The following SEPTIN3 variants were observed in gnomAD, a reference collection of about 807,000 sequenced individuals.
SEPTIN3 encodes the protein neuronal-specific septin-3.
In SEPTIN3, 15 loss-of-function variants were observed where a neutral mutation model predicts 45.1. That is an observed-to-expected ratio of 0.33 (90% CI 0.22 to 0.51). SEPTIN3 has a LOEUF of 0.51. Among genes scored for constraint, SEPTIN3 ranks in the 20% least tolerant of loss-of-function variants. The pLI is 0.97. For synonymous variants in SEPTIN3, 148 were observed against 164.8 expected (o/e 0.90, Z 0.78); for missense variants, 289 against 457.2 (o/e 0.63, Z 3.35).
Position 41,972,664 on chromosome 22 carries a change from C to T in SEPTIN3, c.1172C>T (p.Pro391Leu), listed in dbSNP as rs760879381. Residue 391 changes from proline to leucine, a missense_variant, in exon 2 of 12, where the codon CCG becomes CTG. Pro to Leu is a moderately conservative substitution (Grantham distance 98). Around this residue, in one of 3 missense-constraint regions of SEPTIN3, gnomAD observed 200 missense variants for 315.1 expected, o/e 0.63. Coordinates refer to ENST00000644076, the MANE Select transcript of SEPTIN3 (RefSeq NM_001363845.2). ...TCAGCAACATCAGACCCAGTCAAGC[C>T]GGACACAATCACAGCTACAGTGGGC... ...MDSATSDPVKPDTITATVGTS... is the reference protein window; with the variant it reads ...MDSATSDPVKLDTITATVGTS... 22 of 399,016 alleles carry T rather than the reference C, an allele frequency of 5.5e-5. 1 individual carries two copies. The highest frequency in any genetic ancestry group is 8.8e-5 in the Admixed American group (2 of 22,712). The allele number at this position is 399,016 out of a possible 1,614,324, so 24.7% of individuals were successfully genotyped here.
intron 3 of SEPTIN3, among the ~76,000 whole-genome samples, chr22:41,982,904 A>AG (rs912734536): frequency 1.3e-5 from 2 of 151,602 alleles, no homozygotes; most frequent in Admixed American, 1.3e-4. Context: ...AAAAAAAAGA[A>AG]GAAAAAAAAA....
intron 8 of SEPTIN3, among the ~76,000 whole-genome samples, chr22:41,992,382 A>G (rs1480176620): frequency 6.6e-6 from 1 of 152,200 alleles, no homozygotes; most frequent in Non-Finnish European, 1.5e-5. Flanking sequence ...CTGTCTCAAA[A>G]AAGAAAGTAC....
At chr22:41,986,919 T>A (rs2078218557) in intron 4 of SEPTIN3, among the ~76,000 whole-genome samples, 1 of 151,996 alleles carries the variant, frequency 6.6e-6, no homozygotes, top group African/African-American at 2.4e-5. Context: ...GAGGCTACAG[T>A]GAGCTGTGAT....
In SEPTIN3 at chr22:41,994,798, C is replaced by T; in HGVS notation, c.2505+84C>T. The T allele has an allele frequency of 6.2e-7, 1 of 1,612,008 alleles. No homozygotes were observed. Among genetic ancestry groups the T allele is most frequent in the South Asian group, 1.1e-5 (1 of 91,028 alleles). On this transcript the variant is annotated intron_variant, in intron 11 of 11. Coordinates refer to ENST00000644076, the MANE Select transcript of SEPTIN3 (RefSeq NM_001363845.2). This position sits in a 1 kb window ranked among gnomAD's most constrained non-coding sequence, Gnocchi z 4.2. ...TCATCACACATACCCACTTCACACA[C>T]ACACATCCCAAATACCACCACCAAC...
At chr22:41,979,450 G>A (rs1321561463) in intron 2 of SEPTIN3, among the ~76,000 whole-genome samples, 1 of 152,232 alleles carries the variant, frequency 6.6e-6, no homozygotes, top group Non-Finnish European at 1.5e-5. Flanking sequence ...CTCAGCTGCA[G>A]AGGCATAAGG....
Position 41,994,389 on chromosome 22 carries a change from G to C in SEPTIN3, c.2411+48G>C, listed in dbSNP as rs189078124. The C allele has an allele frequency of 7.0e-5, 111 of 1,595,928 alleles. No homozygotes were observed. The African/African-American group carries it at 1.1e-3, about 16-fold the overall frequency. ...GTCCAGACAGCAGGTTGAATTATTT[G>C]GGGTCAGGGTCTATCTGTTCAGATT... On this transcript the variant is annotated intron_variant, in intron 10 of 11. Coordinates refer to ENST00000644076, the MANE Select transcript of SEPTIN3 (RefSeq NM_001363845.2). The surrounding 1 kb of genome is among the most constrained non-coding windows in gnomAD (Gnocchi z 4.2).
At chr22:41,995,536 C>G (rs1789716098) in intron 11 of SEPTIN3, 1 of 985,412 alleles carries the variant, frequency 1.0e-6, no homozygotes, top group South Asian at 4.7e-5. Context: ...ATTGCTTTCT[C>G]TCCCTCTCCT....
chr22:41,994,227 T>A lies in SEPTIN3; in HGVS notation c.2360-63T>A. 3.9e-6 allele frequency: 6 copies of A among 1,526,434 alleles called. No individual in the cohort carries two copies. The highest frequency in any genetic ancestry group is 5.4e-6 in the Non-Finnish European group (6 of 1,105,884). The allele number at this position is 1,526,434 out of a possible 1,614,324, so 94.6% of individuals were successfully genotyped here. A position where few individuals can be genotyped will look rare whatever the true frequency, so the allele number is the denominator to read the frequency against. ...TCCGTGACCCAAACAGAAGCTCACCTCCTGGGTGTTGCTGTATTAATGAAC... is the reference window on the plus strand; with the variant it reads ...TCCGTGACCCAAACAGAAGCTCACCACCTGGGTGTTGCTGTATTAATGAAC... On this transcript the variant is annotated intron_variant, in intron 9 of 11. Coordinates refer to ENST00000644076, the MANE Select transcript of SEPTIN3 (RefSeq NM_001363845.2). The surrounding 1 kb of genome is among the most constrained non-coding windows in gnomAD (Gnocchi z 4.2).
At chr22:41,991,695 A>G in intron 8 of SEPTIN3, 27 bp downstream of exon 8, 1 of 1,435,754 alleles carries the variant, frequency 7.0e-7, no homozygotes, top group Admixed American at 1.7e-5. Flanking sequence ...CTGCTCCTCC[A>G]CTGATGCCCC....
Position 41,972,086 on chromosome 22 carries a change from G to A in SEPTIN3, c.594G>A (p.Arg198=). ...SSYLALPFQS[R]LAQSAPVLAE... is the part of the protein sequence containing the mutation. ...ACCTAGCCTTACCTTTCCAATCCCG[G>A]TTAGCCCAGAGTGCACCAGTCCTTG... The change falls in exon 2 of 12, where the codon CGG becomes CGA. Residue 198 remains arginine (R), a synonymous_variant. Coordinates refer to ENST00000644076, the MANE Select transcript of SEPTIN3 (RefSeq NM_001363845.2). 2.5e-6 allele frequency: 1 copy of A among 399,072 alleles called. No homozygotes were observed. 24.7% of individuals were successfully genotyped at this position (399,072 alleles called of 1,614,324 possible).
chr22:41,974,421 T>C (rs1012797048), intron 2 of SEPTIN3, among the ~76,000 whole-genome samples: 2 of 151,574 alleles, frequency 1.3e-5, no homozygotes, highest in African/African-American at 4.8e-5. Flanking sequence ...TCCCAGAACT[T>C]TGGGAGGCCG....
rs377624563 is a variant in SEPTIN3 at position 41,996,981 on chromosome 22, C to A, written c.*14C>A. 1 of 1,613,804 alleles carries A rather than the reference C, an allele frequency of 6.2e-7. No individual in the cohort carries two copies. On this transcript the variant is annotated 3_prime_UTR_variant, in exon 12 of 12. Coordinates refer to ENST00000644076, the MANE Select transcript of SEPTIN3 (RefSeq NM_001363845.2). ...ACTGCTGAATGAAGGCCATTTCAAG[C>A]GCTGCTTCTCACTCCATTCCTCTCA... is the stretch of plus-strand genomic sequence containing the variant.
intron 2 of SEPTIN3, among the ~76,000 whole-genome samples, chr22:41,981,070 G>A (rs1299554462): frequency 6.6e-6 from 1 of 152,182 alleles, no homozygotes; most frequent in Non-Finnish European, 1.5e-5. Flanking sequence ...ATAGATGTTA[G>A]TGCAGGATCC....
intron 2 of SEPTIN3, 177 bp from the exon 3 acceptor site, chr22:41,981,468 C>T: frequency 1.7e-6 from 1 of 572,626 alleles, no homozygotes; most frequent in Non-Finnish European, 3.1e-6. Context: ...AGTTCTTTCT[C>T]CTCCAGGCCT....
chr22:41,987,136 A>T, intron 4 of SEPTIN3, 70 bp from the exon 5 acceptor site: 1 of 1,244,068 alleles, frequency 8.0e-7, no homozygotes, highest in Admixed American at 2.2e-5. Flanking sequence ...CTCCCTGGCT[A>T]GTAGGCTGCC....
intron 2 of SEPTIN3, among the ~76,000 whole-genome samples, chr22:41,974,215 TC>T (rs1356489899): frequency 6.6e-6 from 1 of 151,844 alleles, no homozygotes; most frequent in Non-Finnish European, 1.5e-5. Context: ...TGGTGAGTCC[TC>T]CTTTCAGCAT....
At chr22:41,996,117 C>T in intron 11 of SEPTIN3, 1 of 984,990 alleles carries the variant, frequency 1.0e-6, no homozygotes, top group Non-Finnish European at 1.2e-6. Context: ...CTGTCTTTCT[C>T]TACTTTTCCC....
rs2078036146 is a variant in SEPTIN3, at chr22:41,976,987, G to T, written c.1504+3991G>T. 1.3e-6 allele frequency: 2 copies of T among 1,504,470 alleles called. No homozygotes were observed. The allele number at this position is 1,504,470 out of a possible 1,614,324, so 93.2% of individuals were successfully genotyped here. ...CGTTTGCAGGGGCCGCTCGGCCCGG[G>T]GAAGCCCGCGCCCCGCTCAGCCTTG... On this transcript the variant is annotated intron_variant, in intron 2 of 11. Transcript: ENST00000644076. The surrounding 1 kb of genome is among the most constrained non-coding windows in gnomAD (Gnocchi z 5.8).
chr22:41,975,532 G>A (rs1289671232), intron 2 of SEPTIN3, among the ~76,000 whole-genome samples: 2 of 152,120 alleles, frequency 1.3e-5, no homozygotes, highest in East Asian at 1.9e-4. Context: ...TGGGCAGCCA[G>A]CAGCCTGCTA....
Sources: allele counts gnomAD v4.1 joint callset (sites outside exome capture counted in the v4.1 genomes callset), GRCh38; gene constraint gnomAD v4.1.1; regional missense constraint gnomAD v4.1.1; non-coding constraint Gnocchi (gnomAD v3.1); transcripts MANE v1.5; gene names NCBI Gene and HGNC (gene_info 2026-07-23, HGNC 2026-07-21).